Variants in ABHD12 observed in about 807,000 individuals in gnomAD.
The protein encoded by ABHD12 is abhydrolase domain containing 12, lysophospholipase.
In ABHD12, 43 loss-of-function variants were observed where a neutral mutation model predicts 58.3. The ratio of observed to expected loss-of-function variants is 0.74; its 90% CI spans 0.58 to 0.95. The LOEUF is 0.95. Among genes scored for constraint, ABHD12 ranks in the 40% least tolerant of loss-of-function variants. The pLI, the probability that ABHD12 is intolerant of heterozygous loss-of-function variation, is 0.00. For synonymous variants in ABHD12, 219 were observed against 211.2 expected (o/e 1.04, Z -0.32); for missense variants, 539 against 537.2 (o/e 1.00, Z -0.03).
chr20:25,344,517 C>T (rs746471766), intron 1 of ABHD12, among the ~76,000 whole-genome samples: 2 of 152,102 alleles, frequency 1.3e-5, no homozygotes, highest in African/African-American at 2.4e-5. Context: ...TCTGATGAAA[C>T]GTATAAAGGA....
At chr20:25,317,207 C>T (rs2088979252) in intron 4 of ABHD12, 129 bp from the exon 5 acceptor site, 1 of 701,090 alleles carries the variant, frequency 1.4e-6, no homozygotes, top group Non-Finnish European at 2.6e-6. Flanking sequence ...TTGGGTCCCC[C>T]TAAGTAGCCC....
intron 1 of ABHD12, among the ~76,000 whole-genome samples, chr20:25,389,617 T>C (rs957628539): frequency 1.3e-5 from 2 of 152,180 alleles, no homozygotes; most frequent in African/African-American, 4.8e-5. Context: ...TCTGTCCCTA[T>C]GAAACACGTT....
rs1188854647 is a variant in ABHD12, at chr20:25,380,982, T to C, written c.191+9531A>G. ...TCCATTCTTCCTGTTGCTCAGAAAG[T>C]AGTTTGTGAATCCAGAATCACATGC... On this transcript the variant is annotated intron_variant, in intron 1 of 12. Transcript: ENST00000339157. Among the ~76,000 whole-genome samples the C allele has an allele frequency of 2.0e-5, 3 of 152,224 alleles. No individual in the cohort carries two copies. In the East Asian group the frequency reaches 5.8e-4, roughly 29 times the overall value.
At chr20:25,327,466 C>CAAA (rs566529626) in intron 2 of ABHD12, among the ~76,000 whole-genome samples, 105 of 101,618 alleles carry the variant, frequency 1.0e-3, no homozygotes, top group African/African-American at 3.3e-3. Flanking sequence ...GACTCCGTCT[C>CAAA]AAAAAAAAAA....
chr20:25,386,088 G>C (rs553665031), intron 1 of ABHD12, among the ~76,000 whole-genome samples: 2 of 151,352 alleles, frequency 1.3e-5, no homozygotes, highest in Admixed American at 6.6e-5. Context: ...GTGATGCAGC[G>C]AGACTCCGTC....
intron 3 of ABHD12, among the ~76,000 whole-genome samples, chr20:25,322,377 A>ATTTTT (rs1483645613): frequency 1.7e-4 from 7 of 42,276 alleles, no homozygotes; most frequent in South Asian, 1.1e-3. Flanking sequence ...ATATATATAT[A>ATTTTT]TATATTTTTT....
chr20:25,317,456 C>A (rs1465546010), intron 4 of ABHD12, among the ~76,000 whole-genome samples: 1 of 152,190 alleles, frequency 6.6e-6, no homozygotes, highest in Non-Finnish European at 1.5e-5. Context: ...CCCGTATGGG[C>A]GACTTCTGCC....
At chr20:25,297,821 T>G (rs1453075362), downstream of ABHD12, 1 of 128,612 alleles carries the variant, frequency 7.8e-6, no homozygotes, top group South Asian at 2.6e-4. Context: ...ACTACAGCCT[T>G]TTATTGAGTG....
At chr20:25,368,596 G>A (rs2089856470) in intron 1 of ABHD12, 2 of 1,397,250 alleles carry the variant, frequency 1.4e-6, no homozygotes, top group Admixed American at 1.7e-5. Context: ...CATAAACCCT[G>A]GAATAATTCT....
At chr20:25,344,592 T>C (rs1041955952) in intron 1 of ABHD12, among the ~76,000 whole-genome samples, 8 of 152,204 alleles carry the variant, frequency 5.3e-5, no homozygotes, top group African/African-American at 1.9e-4. Context: ...TGTCAGTTCT[T>C]CCCAACTTTA....
At chr20:25,298,852 G>A (rs372772040), downstream of ABHD12, among the ~76,000 whole-genome samples, 12 of 152,332 alleles carry the variant, frequency 7.9e-5, no homozygotes, top group African/African-American at 2.9e-4. Context: ...GGTCGTGCAG[G>A]GGTTGGTGCT....
intron 6 of ABHD12, among the ~76,000 whole-genome samples, chr20:25,314,201 G>C (rs1051600379): frequency 6.6e-6 from 1 of 152,060 alleles, no homozygotes; most frequent in East Asian, 1.9e-4. Context: ...ACGAACTCCT[G>C]ACCTCAAGTG....
chr20:25,313,507 T>C (rs2088902612), intron 6 of ABHD12, among the ~76,000 whole-genome samples: 1 of 152,056 alleles, frequency 6.6e-6, no homozygotes, highest in Non-Finnish European at 1.5e-5. Flanking sequence ...GTTTATCTGC[T>C]GACCTTCCCT....
At chr20:25,299,540 T>C (rs953273763), downstream of ABHD12, among the ~76,000 whole-genome samples, 1 of 147,756 alleles carries the variant, frequency 6.8e-6, no homozygotes, top group Non-Finnish European at 1.5e-5. Flanking sequence ...CCAGGTAGAG[T>C]GGGTCACCTC....
At chr20:25,315,900 G>A (rs2088952568) in intron 5 of ABHD12, among the ~76,000 whole-genome samples, 1 of 152,222 alleles carries the variant, frequency 6.6e-6, no homozygotes, top group African/African-American at 2.4e-5. Flanking sequence ...ATGGCCCTCT[G>A]AGGGGAGGAG....
At chr20:25,306,135 ACAACCTGGGTGACAGAG>A in intron 10 of ABHD12, among the ~76,000 whole-genome samples, 1 of 151,880 alleles carries the variant, frequency 6.6e-6, no homozygotes, top group East Asian at 1.9e-4. Context: ...CCACTGCACT[ACAACCTGGGTGACAGAG>A]CAAGACTCCG....
intron 6 of ABHD12, among the ~76,000 whole-genome samples, chr20:25,312,192 C>G (rs2088861251): frequency 6.6e-6 from 1 of 151,426 alleles, no homozygotes; most frequent in African/African-American, 2.4e-5. Flanking sequence ...CACGGTCTCC[C>G]TCTCCCTCTC....
At chr20:25,372,217 CTTCT>C (rs1181800797) in intron 1 of ABHD12, among the ~76,000 whole-genome samples, 1 of 150,498 alleles carries the variant, frequency 6.6e-6, no homozygotes, top group South Asian at 2.1e-4. Flanking sequence ...ATCTCAGCCT[CTTCT>C]TTTTTTTTTT....
At chr20:25,315,463 C>T (rs1175766188) in intron 5 of ABHD12, among the ~76,000 whole-genome samples, 1 of 152,066 alleles carries the variant, frequency 6.6e-6, no homozygotes, top group Non-Finnish European at 1.5e-5. Flanking sequence ...TACAGACTAG[C>T]TGACCTCTTT....
Sources: allele counts gnomAD v4.1 joint callset (sites outside exome capture counted in the v4.1 genomes callset), GRCh38; gene constraint gnomAD v4.1.1; transcripts MANE v1.5; gene names NCBI Gene and HGNC (gene_info 2026-07-23, HGNC 2026-07-21).